Variants in FARP1 observed in about 807,000 individuals in gnomAD.
FARP1 encodes the protein FERM, ARH/RhoGEF and pleckstrin domain protein 1.
A neutral mutation model predicts 128.8 loss-of-function variants in FARP1; 52 were observed. That is an observed-to-expected ratio of 0.40 (90% CI 0.32 to 0.51). The LOEUF is 0.51. Among genes scored for constraint, FARP1 ranks in the 20% least tolerant of loss-of-function variants. The pLI, the probability that FARP1 is intolerant of heterozygous loss-of-function variation, is 0.45. For missense variants in FARP1, 1,333 were observed against 1,367.9 expected (o/e 0.97, Z 0.40); for synonymous variants, 580 against 551.8 (o/e 1.05, Z -0.72).
chr13:98,411,833 C>A, intron 15 of FARP1, 68 bp from the exon 16 acceptor site: 2 of 1,559,530 alleles, frequency 1.3e-6, no homozygotes, highest in South Asian at 1.2e-5. Context: ...CATGTGACTT[C>A]TGGAGAAAAC....
At chr13:98,282,372 T>C (rs960972477) in intron 2 of FARP1, among the ~76,000 whole-genome samples, 3 of 152,074 alleles carry the variant, frequency 2.0e-5, no homozygotes, top group Admixed American at 6.6e-5. Flanking sequence ...TCCTAGGACA[T>C]AGAAGGTTGG....
intron 2 of FARP1, among the ~76,000 whole-genome samples, chr13:98,284,205 T>C (rs1885064421): frequency 3.9e-5 from 6 of 152,110 alleles, no homozygotes; most frequent in Non-Finnish European, 5.9e-5. Context: ...CCTCATCAGC[T>C]ATTGTTAGTG....
chr13:98,365,512 C>A, intron 4 of FARP1, 75 bp downstream of exon 4: 1 of 1,094,040 alleles, frequency 9.1e-7, no homozygotes, highest in Non-Finnish European at 1.4e-6. Context: ...CATCTCTTGC[C>A]CTGTGGCATG....
chr13:98,428,089 T>A (rs1243338303), intron 17 of FARP1, among the ~76,000 whole-genome samples: 3 of 133,150 alleles, frequency 2.3e-5, no homozygotes, highest in South Asian at 2.9e-4. Context: ...TCACCTGCTG[T>A]CATCAGTCTC....
chr13:98,411,910 A>G lies in FARP1; in HGVS notation c.1702A>G (p.Ser568Gly), dbSNP rs1891207468. The change falls in exon 16 of 27, where the codon AGC becomes GGC. Residue 568 changes from serine (S) to glycine (G), a missense_variant. This residue lies in a region of FARP1 where 1,009 missense variants were observed against 969.8 expected (regional missense o/e 1.04). Coordinates refer to ENST00000319562, the MANE Select transcript of FARP1 (RefSeq NM_005766.4). Reference protein sequence around the residue: ...DLEVITSWFQSTVSKEDAMPE... With the variant: ...DLEVITSWFQGTVSKEDAMPE... ...GTCTTCTTCTTTCCAGTGGTTTCAG[A>G]GCACAGTGAGCAAAGAGGACGCCAT... 6.2e-7 allele frequency: 1 copy of G among 1,614,116 alleles called. No individual in the cohort carries two copies. The highest frequency in any genetic ancestry group is 8.5e-7 in the Non-Finnish European group (1 of 1,180,004).
At chr13:98,448,019 A>C in intron 26 of FARP1, 1 of 580,978 alleles carries the variant, frequency 1.7e-6, no homozygotes, top group Non-Finnish European at 3.1e-6. Flanking sequence ...GCAGCAAGGT[A>C]CTTCCAGCTC....
At chr13:98,284,526 C>A (rs1179613794) in intron 2 of FARP1, among the ~76,000 whole-genome samples, 2 of 152,056 alleles carry the variant, frequency 1.3e-5, no homozygotes, top group African/African-American at 4.8e-5. Flanking sequence ...TCAGCAGACA[C>A]ATAGATATTT....
chr13:98,340,873 G>A (rs1265134028), intron 2 of FARP1: 1 of 152,190 alleles, frequency 6.6e-6, no homozygotes, highest in East Asian at 1.9e-4. Context: ...TAGCAAAGTG[G>A]TGAAGATAAG....
At chr13:98,375,252 C>T (rs1365449789) in intron 5 of FARP1, among the ~76,000 whole-genome samples, 1 of 152,226 alleles carries the variant, frequency 6.6e-6, no homozygotes, top group African/African-American at 2.4e-5. Flanking sequence ...CCCTATGTGA[C>T]TGTCCAGTCT....
intron 13 of FARP1, chr13:98,405,883 C>T (rs529284887): frequency 5.3e-5 from 8 of 152,318 alleles, no homozygotes; most frequent in East Asian, 1.9e-4. Flanking sequence ...TTCCTCTCCC[C>T]GTTGCCCGGG....
chr13:98,429,948 T>C (rs1891946967), intron 17 of FARP1, among the ~76,000 whole-genome samples: 1 of 152,186 alleles, frequency 6.6e-6, no homozygotes, highest in African/African-American at 2.4e-5. Flanking sequence ...TAGAAGAATC[T>C]AGATTTCAGG....
At chr13:98,313,326 A>ACACG (rs1448600341) in intron 2 of FARP1, among the ~76,000 whole-genome samples, 4 of 151,776 alleles carry the variant, frequency 2.6e-5, no homozygotes, top group African/African-American at 7.3e-5. Context: ...ACACACACAC[A>ACACG]CACACACACA....
rs533830059 is a variant in FARP1, at chr13:98,255,226, A to G, written c.171+41813A>G. On this transcript the variant is annotated intron_variant, in intron 2 of 26. Coordinates refer to ENST00000319562, the MANE Select transcript of FARP1 (RefSeq NM_005766.4). ...GTAAAAGTGGTTGCTGTGGCCGGGC[A>G]CGGTGGCTCACGCCTGTAATCCCAG... is the stretch of plus-strand genomic sequence containing the variant. Among the ~76,000 whole-genome samples the G allele has an allele frequency of 1.3e-3, 194 of 152,270 alleles. 2 individuals are homozygous for G. Among genetic ancestry groups the G allele is most frequent in the African/African-American group, 4.3e-3 (180 of 41,546 alleles).
At chr13:98,299,032 G>A (rs1354675744) in intron 2 of FARP1, among the ~76,000 whole-genome samples, 9 of 152,192 alleles carry the variant, frequency 5.9e-5, no homozygotes, top group African/African-American at 2.2e-4. Flanking sequence ...ACAGGAAAGC[G>A]GAGGTTTCTT....
At chr13:98,263,725 C>T (rs1883980285) in intron 2 of FARP1, among the ~76,000 whole-genome samples, 5 of 152,180 alleles carry the variant, frequency 3.3e-5, no homozygotes, top group Admixed American at 2.6e-4. Context: ...AACCATGGTA[C>T]ACCCATCAAG....
intron 18 of FARP1, chr13:98,434,486 AAG>A (rs1566317274): frequency 6.6e-6 from 1 of 152,218 alleles, no homozygotes; most frequent in Non-Finnish European, 1.5e-5. Flanking sequence ...AAAGCAGTGA[AAG>A]AGGTATTTAG....
At chr13:98,303,713 A>G (rs946352627) in intron 2 of FARP1, among the ~76,000 whole-genome samples, 7 of 152,200 alleles carry the variant, frequency 4.6e-5, no homozygotes, top group Admixed American at 1.3e-4. Flanking sequence ...AATCTCACTA[A>G]CTGGGATATT....
rs1468179737 is a variant in FARP1 at position 98,410,780 on chromosome 13, C to T, written c.1649C>T (p.Thr550Ile). ...TACTTCATAGCTAAGGAAGTGTCTA[C>T]CACCGAGCGAACATATCTGAAGGAT... ...KAYFIAKEVS[T>I]TERTYLKDLE... The change falls in exon 15 of 27, where the codon ACC (threonine) becomes ATC (isoleucine). Residue 550 changes from threonine (T) to isoleucine (I), a missense_variant. By Grantham distance (89) the Thr-to-Ile change is moderately conservative. Transcript: ENST00000319562. 1.9e-6 allele frequency: 3 copies of T among 1,605,494 alleles called. No homozygotes were observed. Among genetic ancestry groups the T allele is most frequent in the Non-Finnish European group, 2.6e-6 (3 of 1,174,244 alleles).
At chr13:98,435,221 C>T (rs747052315) in intron 18 of FARP1, among the ~76,000 whole-genome samples, 5 of 152,006 alleles carry the variant, frequency 3.3e-5, no homozygotes, top group African/African-American at 7.3e-5. Flanking sequence ...TTGTTCTTTC[C>T]GAGTAACAGG....
Sources: gnomAD v4.1 joint callset for allele counts (sites outside exome capture counted in the v4.1 genomes callset) on GRCh38, gnomAD v4.1.1 for gene constraint, gnomAD v4.1.1 regional missense constraint, MANE v1.5 for transcripts, NCBI Gene and HGNC (gene_info 2026-07-23, HGNC 2026-07-21) for gene names.